Variants in RTTN observed in about 807,000 individuals in gnomAD.
The protein encoded by RTTN is rotatin.
Under a neutral mutation model 269.2 loss-of-function variants are expected in RTTN, and 182 were observed. The observed-to-expected ratio is 0.68, with a 90% CI of 0.60 to 0.76. RTTN has a LOEUF of 0.76. Ranked by LOEUF, RTTN falls within the 30% of genes least tolerant of loss-of-function variation. The pLI is 0.00. For missense variants in RTTN, 2,545 were observed against 2,608.6 expected, an observed-to-expected ratio of 0.98 and a Z score of 0.53; for synonymous variants, 1,006 against 963.5, an observed-to-expected ratio of 1.04 and a Z score of -0.82.
intron 2 of RTTN, among the ~76,000 whole-genome samples, chr18:70,204,825 T>C (rs531419500): frequency 3.3e-4 from 51 of 152,328 alleles, no homozygotes; most frequent in Admixed American, 9.8e-4. Flanking sequence ...GTTTTTAAGA[T>C]GTAAATGTCA....
At chr18:70,190,752 C>T in intron 8 of RTTN, 33 bp from the exon 9 acceptor site, 1 of 1,493,900 alleles carries the variant, frequency 6.7e-7, no homozygotes, top group Non-Finnish European at 9.3e-7. Flanking sequence ...ACCTTGCATA[C>T]AGAAACAATC....
chr18:70,126,753 G>A (rs2059875247), intron 25 of RTTN, among the ~76,000 whole-genome samples: 2 of 152,006 alleles, frequency 1.3e-5, no homozygotes, highest in Admixed American at 6.6e-5. Flanking sequence ...CTCTCACAAG[G>A]CTGCATTAGT....
At chr18:70,043,292 A>G (rs1203061201) in intron 40 of RTTN, among the ~76,000 whole-genome samples, 1 of 152,220 alleles carries the variant, frequency 6.6e-6, no homozygotes, top group Admixed American at 6.5e-5. Context: ...CAAGAAAAGA[A>G]AGTTAAACAC....
chr18:70,164,127 G>A (rs1478115187), intron 14 of RTTN, among the ~76,000 whole-genome samples: 1 of 152,076 alleles, frequency 6.6e-6, no homozygotes, highest in Non-Finnish European at 1.5e-5. Context: ...GATGGGTAAT[G>A]GTGATGATGG....
At chr18:70,198,535 G>C (rs945766232) in intron 5 of RTTN, among the ~76,000 whole-genome samples, 3 of 152,106 alleles carry the variant, frequency 2.0e-5, no homozygotes, top group Non-Finnish European at 2.9e-5. Flanking sequence ...TTATTTTCCA[G>C]ATTTATACCC....
At chr18:70,169,108 A>T in intron 11 of RTTN, 41 bp from the exon 12 acceptor site, 1 of 1,443,998 alleles carries the variant, frequency 6.9e-7, no homozygotes, top group East Asian at 2.4e-5. Context: ...AACTTTGTTT[A>T]AAAAAAACTT....
At chr18:70,024,261 C>G (rs2056788852) in intron 44 of RTTN, among the ~76,000 whole-genome samples, 1 of 152,164 alleles carries the variant, frequency 6.6e-6, no homozygotes, top group Admixed American at 6.5e-5. Flanking sequence ...CATGGCCCAC[C>G]ACAGGCTCTT....
intron 23 of RTTN, chr18:70,130,945 C>T (rs1323476406): frequency 6.6e-6 from 1 of 151,574 alleles, no homozygotes; most frequent in Admixed American, 6.6e-5. Context: ...AAAATAAACT[C>T]CCCCAAATAA....
chr18:70,075,441 T>C lies in RTTN; in HGVS notation c.4475A>G (p.Gln1492Arg). 1 of 1,608,852 alleles carries C rather than the reference T, an allele frequency of 6.2e-7. No homozygotes were observed. The highest frequency in any genetic ancestry group is 8.5e-7 in the Non-Finnish European group (1 of 1,177,752). Residue 1492 changes from glutamine (Q) to arginine (R), a missense_variant, in exon 33 of 49, where the codon CAG becomes CGG. Gln to Arg is a conservative substitution (Grantham distance 43, BLOSUM62 1). Transcript: ENST00000640769. ...TCCTAGGTAACAATGCTTTACCATC[T>C]GATTCAAATGTTCATAAAAATGGCA... ...YHCHFYEHLNQMVKHCYLGRC... is the reference protein window; with the variant it reads ...YHCHFYEHLNRMVKHCYLGRC...
At chr18:70,074,464 T>G (rs1386154772) in intron 33 of RTTN, among the ~76,000 whole-genome samples, 1 of 152,160 alleles carries the variant, frequency 6.6e-6, no homozygotes. Context: ...GAATCACACA[T>G]TCACACTTAA....
At chr18:70,123,416 G>C (rs1458869180) in intron 25 of RTTN, among the ~76,000 whole-genome samples, 5 of 151,986 alleles carry the variant, frequency 3.3e-5, no homozygotes, top group Admixed American at 3.3e-4. Flanking sequence ...TATGCTGTAA[G>C]AGATCACCAG....
At chr18:70,032,377 C>T (rs533403940) in intron 40 of RTTN, among the ~76,000 whole-genome samples, 10 of 152,200 alleles carry the variant, frequency 6.6e-5, no homozygotes, top group South Asian at 2.1e-4. Context: ...CCAGTGGACA[C>T]GCACCAGCAT....
chr18:70,037,727 C>T (rs2057217790), intron 40 of RTTN, among the ~76,000 whole-genome samples: 1 of 152,062 alleles, frequency 6.6e-6, no homozygotes, highest in Non-Finnish European at 1.5e-5. Flanking sequence ...TTGAGAAAAG[C>T]AGAGGGGAAA....
intron 14 of RTTN, among the ~76,000 whole-genome samples, chr18:70,160,747 A>C (rs1182413244): frequency 6.6e-6 from 1 of 152,154 alleles, no homozygotes; most frequent in East Asian, 1.9e-4. Flanking sequence ...CAAGATATAA[A>C]ATCAATGTAC....
At chr18:70,108,865 C>A (rs1250475843) in intron 28 of RTTN, among the ~76,000 whole-genome samples, 11 of 150,054 alleles carry the variant, frequency 7.3e-5, no homozygotes, top group Admixed American at 2.0e-4. Flanking sequence ...TCTTAATTGA[C>A]AAAAAAAAAC....
intron 9 of RTTN, 30 bp downstream of exon 9, chr18:70,190,508 A>G: frequency 6.5e-7 from 1 of 1,532,362 alleles, no homozygotes; most frequent in Non-Finnish European, 9.0e-7. Context: ...CACAAATTAT[A>G]TCAGAATTAC....
chr18:70,114,711 T>C (rs1260109959), intron 26 of RTTN, 112 bp from the exon 27 acceptor site: 1 of 771,760 alleles, frequency 1.3e-6, no homozygotes, highest in Non-Finnish European at 2.0e-6. Context: ...ACCTAACTAG[T>C]AGGTGTGGGC....
intron 23 of RTTN, among the ~76,000 whole-genome samples, chr18:70,132,102 A>T (rs2145649367): frequency 6.6e-6 from 1 of 152,222 alleles, no homozygotes; most frequent in Admixed American, 6.6e-5. Context: ...GAGATAAAGA[A>T]ATAATTTCAT....
At chr18:70,162,672 C>T (rs1010732337) in intron 14 of RTTN, among the ~76,000 whole-genome samples, 4 of 152,100 alleles carry the variant, frequency 2.6e-5, no homozygotes, top group South Asian at 4.2e-4. Flanking sequence ...GTCCCTCCCA[C>T]GACACGTGGG....
Sources: gnomAD v4.1 joint callset for allele counts (sites outside exome capture counted in the v4.1 genomes callset) on GRCh38, gnomAD v4.1.1 for gene constraint, MANE v1.5 for transcripts, NCBI Gene and HGNC (gene_info 2026-07-23, HGNC 2026-07-21) for gene names.